The following SLC29A1 variants were observed in gnomAD, a reference collection of about 807,000 sequenced individuals.
SLC29A1 encodes solute carrier family 29 member 1 (Augustine blood group).
A neutral mutation model predicts 48.3 loss-of-function variants in SLC29A1; 22 were observed. The observed-to-expected ratio is 0.46, with a 90% CI of 0.33 to 0.65. The LOEUF (loss-of-function observed/expected upper bound fraction) is 0.65, where lower values mean the gene tolerates loss of function less well. Ranked by LOEUF, SLC29A1 falls within the 30% of genes least tolerant of loss-of-function variation. The pLI is 0.03. For missense variants in SLC29A1, 491 were observed against 575.3 expected, an observed-to-expected ratio of 0.85 and a Z score of 1.50; for synonymous variants, 228 against 231.0, an observed-to-expected ratio of 0.99 and a Z score of 0.12.
intron 1 of SLC29A1, 45 bp from the exon 2 acceptor site, chr6:44,227,218 T>C (rs1303541596): frequency 1.3e-6 from 2 of 1,572,970 alleles, no homozygotes; most frequent in African/African-American, 1.4e-5. Flanking sequence ...AGGAGGCCTA[T>C]GGCAGGGCCA....
upstream of SLC29A1, among the ~76,000 whole-genome samples, chr6:44,222,636 C>G (rs544183169): frequency 1.0e-3 from 152 of 152,208 alleles, no homozygotes; most frequent in Non-Finnish European, 1.7e-3. Context: ...CACCCCACCC[C>G]ATTTATTGCC....
chr6:44,222,924 C>T (rs1360039131), upstream of SLC29A1, among the ~76,000 whole-genome samples: 7 of 152,230 alleles, frequency 4.6e-5, no homozygotes, highest in Non-Finnish European at 1.0e-4. Context: ...CCTCCGCGCG[C>T]ACACGCAAGC....
At position 44,223,878 on chromosome 6, in the gene SLC29A1, C is replaced by T. The variant is rs1776829145; in HGVS notation, c.-52+237C>T. 1 of 998,150 alleles carries T rather than the reference C, an allele frequency of 1.0e-6. No individual in the cohort carries two copies. The highest frequency in any genetic ancestry group is 1.2e-6 in the Non-Finnish European group (1 of 838,378). 61.8% of individuals were successfully genotyped at this position (998,150 alleles called of 1,614,324 possible). On this transcript the variant is annotated intron_variant, in intron 1 of 12. Transcript: ENST00000371755. The surrounding 1 kb of genome is among the most constrained non-coding windows in gnomAD (Gnocchi z 5.0). ...CCAAGCTGGGCGGGGCGGCCTGGCT[C>T]CCGGGCCTAAAACAGGCTGCGGTCA... is the stretch of plus-strand genomic sequence containing the variant.
At chr6:44,223,307 C>G (rs1352156533), upstream of SLC29A1, among the ~76,000 whole-genome samples, 1 of 151,886 alleles carries the variant, frequency 6.6e-6, no homozygotes, top group Non-Finnish European at 1.5e-5. The surrounding 1 kb of genome is among the most constrained non-coding windows in gnomAD (Gnocchi z 5.0). Context: ...TGCGCAGGTC[C>G]TTAATGTGTG....
rs62401152 is a variant in SLC29A1 at position 44,227,490 on chromosome 6, C to T, written c.29+148C>T. 4.3e-5 allele frequency: 30 copies of T among 696,934 alleles called. 1 individual carries two copies. Among genetic ancestry groups the T allele is most frequent in the South Asian group, 2.3e-4 (13 of 56,576 alleles). 43.2% of individuals were successfully genotyped at this position (696,934 alleles called of 1,614,324 possible). On this transcript the variant is annotated intron_variant, in intron 2 of 12. Coordinates refer to ENST00000371755, the MANE Select transcript of SLC29A1 (RefSeq NM_001372327.1). ...AGGTCTGCATCAGGGGTGGGGACCCCGTGTGCCTTGGCTGGGTGCTGGCTG... is the reference window on the plus strand; with the variant it reads ...AGGTCTGCATCAGGGGTGGGGACCCTGTGTGCCTTGGCTGGGTGCTGGCTG...
At position 44,223,967 on chromosome 6, in the gene SLC29A1, G is replaced by C; in HGVS notation, c.-52+326G>C. 2 of 985,684 alleles carry C rather than the reference G, an allele frequency of 2.0e-6. No homozygotes were observed. The highest frequency in any genetic ancestry group is 2.4e-6 in the Non-Finnish European group (2 of 830,172). 61.1% of individuals were successfully genotyped at this position (985,684 alleles called of 1,614,324 possible). On this transcript the variant is annotated intron_variant, in intron 1 of 12. Coordinates refer to ENST00000371755, the MANE Select transcript of SLC29A1 (RefSeq NM_001372327.1). This position sits in a 1 kb window ranked among gnomAD's most constrained non-coding sequence, Gnocchi z 5.0. ...TCCCCATCGATCTGGTCGGTATCAG[G>C]GAGGGGCCGTGCCGCTGACTGCGCT...
chr6:44,230,944 G>C (rs1351329282), intron 8 of SLC29A1, 55 bp downstream of exon 8: 1 of 1,355,036 alleles, frequency 7.4e-7, no homozygotes, highest in Non-Finnish European at 1.1e-6. Context: ...GCGGGGGATA[G>C]CATGAGCAAA....
At chr6:44,231,530 CT>C (rs1258305473) in intron 9 of SLC29A1, 69 bp downstream of exon 9, 2 of 987,536 alleles carry the variant, frequency 2.0e-6, no homozygotes, top group African/African-American at 1.6e-5. Flanking sequence ...CTCCCTCCCC[CT>C]GCCACCCATC....
chr6:44,220,650 TA>T (rs564819806), upstream of SLC29A1, among the ~76,000 whole-genome samples: 1,186 of 116,254 alleles, frequency 0.01, 11 homozygotes, highest in African/African-American at 0.023. Flanking sequence ...CCGTCTCTAC[TA>T]AAAAAAAAAA....
intron 8 of SLC29A1, among the ~76,000 whole-genome samples, 164 bp downstream of exon 8, chr6:44,231,053 C>T (rs1258614571): frequency 2.0e-5 from 3 of 152,016 alleles, no homozygotes; most frequent in Non-Finnish European, 2.9e-5. Flanking sequence ...AAATAAGGGC[C>T]GGCAATGATA....
intron 1 of SLC29A1, among the ~76,000 whole-genome samples, chr6:44,224,791 C>T (rs1008565909): frequency 6.6e-6 from 1 of 152,158 alleles, no homozygotes; most frequent in Admixed American, 6.5e-5. Flanking sequence ...CAGGGGCCCA[C>T]CTCAGCAGGC....
chr6:44,221,564 T>C (rs1441057823), upstream of SLC29A1: 1 of 1,201,380 alleles, frequency 8.3e-7, no homozygotes, highest in South Asian at 1.3e-5. The surrounding 1 kb of genome is among the most constrained non-coding windows in gnomAD (Gnocchi z 4.2). Flanking sequence ...GACCAACCCT[T>C]CCCACCCCAC....
Position 44,232,243 on chromosome 6 carries a change from T to C in SLC29A1, c.974-100T>C, listed in dbSNP as rs1417150521. 2 of 1,158,186 alleles carry C rather than the reference T, an allele frequency of 1.7e-6. No homozygotes were observed. Among genetic ancestry groups the C allele is most frequent in the African/African-American group, 1.5e-5 (1 of 65,960 alleles). 71.7% of individuals were successfully genotyped at this position (1,158,186 alleles called of 1,614,324 possible). A position where few individuals can be genotyped will look rare whatever the true frequency, so the allele number is the denominator to read the frequency against. ...GCCCTTCCCTGGGCTGGAAGCATCT[T>C]CTCCATTTTACTGTTGGGGAAGCTG... is the stretch of plus-strand genomic sequence containing the variant. On this transcript the variant is annotated intron_variant, in intron 10 of 12. Transcript: ENST00000371755. This position sits in a 1 kb window ranked among gnomAD's most constrained non-coding sequence, Gnocchi z 4.7.
chr6:44,223,558 C>A (rs1776730719), upstream of SLC29A1: 5 of 1,194,954 alleles, frequency 4.2e-6, no homozygotes, highest in South Asian at 1.4e-5. The surrounding 1 kb of genome is among the most constrained non-coding windows in gnomAD (Gnocchi z 5.0). Flanking sequence ...CAGCGGAGGG[C>A]GGGTTTGAAT....
upstream of SLC29A1, among the ~76,000 whole-genome samples, chr6:44,222,376 T>C (rs1776549835): frequency 6.6e-6 from 1 of 152,052 alleles, no homozygotes; most frequent in African/African-American, 2.4e-5. Flanking sequence ...CCACTGACCC[T>C]AATTAGAAAA....
intron 1 of SLC29A1, chr6:44,224,075 T>A: frequency 2.9e-6 from 1 of 348,476 alleles, no homozygotes; most frequent in Non-Finnish European, 4.0e-6. Flanking sequence ...CGGGGCTGTC[T>A]CTTTAACCCC....
Position 44,223,845 on chromosome 6 carries a change from A to C in SLC29A1, c.-52+204A>C, listed in dbSNP as rs1025175896. 13 of 998,078 alleles carry C rather than the reference A, an allele frequency of 1.3e-5. No individual in the cohort carries two copies. The South Asian group carries it at 4.9e-4, about 38-fold the overall frequency. The allele number at this position is 998,078 out of a possible 1,614,324, so 61.8% of individuals were successfully genotyped here. On this transcript the variant is annotated intron_variant, in intron 1 of 12. Coordinates refer to ENST00000371755, the MANE Select transcript of SLC29A1 (RefSeq NM_001372327.1). This position sits in a 1 kb window ranked among gnomAD's most constrained non-coding sequence, Gnocchi z 5.0. Reference sequence around the variant, plus strand: ...CAGGGAGCCTGAGGACCCTGCGGGGACCGGGACCCAAGCTGGGCGGGGCGG... The same window carrying C: ...CAGGGAGCCTGAGGACCCTGCGGGGCCCGGGACCCAAGCTGGGCGGGGCGG...
Position 44,233,736 on chromosome 6 carries a change from C to T in SLC29A1, c.*208C>T, listed in dbSNP as rs1329708322. The T allele has an allele frequency of 5.1e-6, 3 of 583,896 alleles. No homozygotes were observed. Among genetic ancestry groups the T allele is most frequent in the East Asian group, 2.8e-5 (1 of 35,150 alleles). The allele number at this position is 583,896 out of a possible 1,614,324, so 36.2% of individuals were successfully genotyped here. A position where few individuals can be genotyped will look rare whatever the true frequency, so the allele number is the denominator to read the frequency against. On this transcript the variant is annotated 3_prime_UTR_variant, in exon 13 of 13. Coordinates refer to ENST00000371755, the MANE Select transcript of SLC29A1 (RefSeq NM_001372327.1). Reference sequence around the variant, plus strand: ...ACATTGTGGGTTTGGGGCTCAGAGTCGAGGGACGGGGTGTAGCCTCGGCAT... The same window carrying T: ...ACATTGTGGGTTTGGGGCTCAGAGTTGAGGGACGGGGTGTAGCCTCGGCAT...
At position 44,232,769 on chromosome 6, in the gene SLC29A1, G is replaced by A. The variant is rs781259781; in HGVS notation, c.1060-38G>A. The A allele has an allele frequency of 5.6e-6, 9 of 1,592,994 alleles. No homozygotes were observed. The highest frequency in any genetic ancestry group is 1.3e-5 in the African/African-American group (1 of 74,688). On this transcript the variant is annotated intron_variant, in intron 11 of 12. Coordinates refer to ENST00000371755, the MANE Select transcript of SLC29A1 (RefSeq NM_001372327.1). This position sits in a 1 kb window ranked among gnomAD's most constrained non-coding sequence, Gnocchi z 4.7. ...CTTGGGGGCCTGGCTGTGCCCTGGGGTGGCGGCCTGGGCTGAGGCCCTGCC... is the reference window on the plus strand; with the variant it reads ...CTTGGGGGCCTGGCTGTGCCCTGGGATGGCGGCCTGGGCTGAGGCCCTGCC...
Sources: gnomAD v4.1 joint callset for allele counts (sites outside exome capture counted in the v4.1 genomes callset) on GRCh38, gnomAD v4.1.1 for gene constraint, Gnocchi (gnomAD v3.1) non-coding constraint, MANE v1.5 for transcripts, NCBI Gene and HGNC (gene_info 2026-07-23, HGNC 2026-07-21) for gene names.